The following MAGI1 variants were observed in gnomAD, a reference collection of about 807,000 sequenced individuals.
MAGI1 encodes membrane-associated guanylate kinase, WW and PDZ domain-containing protein 1.
Under a neutral mutation model 139.9 loss-of-function variants are expected in MAGI1, and 58 were observed. The observed-to-expected ratio is 0.41, with a 90% CI of 0.34 to 0.52. MAGI1 has a LOEUF of 0.52. Ranked by LOEUF, MAGI1 falls within the 20% of genes least tolerant of loss-of-function variation. MAGI1 has a pLI of 0.12. For synonymous variants in MAGI1, 812 were observed against 737.9 expected (o/e 1.10, Z -1.63); for missense variants, 1,874 against 1,901.6 (o/e 0.99, Z 0.27).
At chr3:65,586,650 A>G (rs191938529) in intron 2 of MAGI1, among the ~76,000 whole-genome samples, 392 of 152,346 alleles carry the variant, frequency 2.6e-3, no homozygotes, top group African/African-American at 8.4e-3. Context: ...TAAATACACA[A>G]AAATATACAA....
chr3:65,586,811 C>T (rs1309980423), intron 2 of MAGI1, among the ~76,000 whole-genome samples: 1 of 151,472 alleles, frequency 6.6e-6, no homozygotes, highest in Non-Finnish European at 1.5e-5. Context: ...GCAAGCAGAA[C>T]AGTTCGCTCC....
intron 2 of MAGI1, among the ~76,000 whole-genome samples, chr3:65,554,269 A>C (rs756895915): frequency 3.9e-5 from 6 of 152,196 alleles, no homozygotes; most frequent in Non-Finnish European, 7.3e-5. Flanking sequence ...ATTAGCAAAT[A>C]TAACAGTAAT....
chr3:65,837,457 C>T (rs967109295), intron 1 of MAGI1, among the ~76,000 whole-genome samples: 5 of 152,196 alleles, frequency 3.3e-5, no homozygotes, highest in Non-Finnish European at 5.9e-5. Context: ...ACTGCCCACA[C>T]ACCTGGAAAG....
chr3:65,707,738 A>G (rs2030613538), intron 1 of MAGI1, among the ~76,000 whole-genome samples: 1 of 151,842 alleles, frequency 6.6e-6, no homozygotes. Context: ...TGGAGAAAAG[A>G]TAATTATTAA....
At chr3:65,819,732 C>G (rs2041827798) in intron 1 of MAGI1, among the ~76,000 whole-genome samples, 1 of 151,238 alleles carries the variant, frequency 6.6e-6, no homozygotes, top group South Asian at 2.1e-4. Context: ...CAAAAATTAG[C>G]TGGGCGTGGT....
chr3:65,357,882 T>C (rs943823705), intron 22 of MAGI1, among the ~76,000 whole-genome samples: 2 of 152,200 alleles, frequency 1.3e-5, no homozygotes, highest in African/African-American at 4.8e-5. Context: ...ATCTGTATTA[T>C]TCAACTACGT....
rs142788987 is a variant in MAGI1, at chr3:65,375,882, C to A, written c.3059G>T (p.Arg1020Leu). ...GTCTCCTACTTTCAGCTTGCCACAGCGGTCAGCAGGGCTCCCCTCAATAAT... is the reference window on the plus strand; with the variant it reads ...GTCTCCTACTTTCAGCTTGCCACAGAGGTCAGCAGGGCTCCCCTCAATAAT... ...GRIIEGSPADRCGKLKVGDRI... is the reference protein window; with the variant it reads ...GRIIEGSPADLCGKLKVGDRI... Residue 1020 changes from arginine (R) to leucine (L), a missense_variant, in exon 18 of 23, where the codon CGC (arginine) becomes CTC (leucine). Coordinates refer to ENST00000402939, the MANE Select transcript of MAGI1 (RefSeq NM_001033057.2). 1.2e-6 allele frequency: 2 copies of A among 1,614,102 alleles called. No individual in the cohort carries two copies. The highest frequency in any genetic ancestry group is 1.7e-6 in the Non-Finnish European group (2 of 1,180,006).
chr3:65,490,620 C>T (rs550116796), intron 3 of MAGI1, among the ~76,000 whole-genome samples: 49 of 151,926 alleles, frequency 3.2e-4, no homozygotes, highest in East Asian at 1.7e-3. Context: ...TCGATGCAGG[C>T]GGATCACGAA....
chr3:65,955,735 T>G (rs2064092726), intron 1 of MAGI1, among the ~76,000 whole-genome samples: 1 of 152,216 alleles, frequency 6.6e-6, no homozygotes, highest in Non-Finnish European at 1.5e-5. Context: ...GCTATGGTTC[T>G]GGCTGAAGTA....
rs1381725608 is a variant in MAGI1 at position 65,695,940 on chromosome 3, T to G, written c.314-73852A>C. On this transcript the variant is annotated intron_variant, in intron 1 of 22. Coordinates refer to ENST00000402939, the MANE Select transcript of MAGI1 (RefSeq NM_001033057.2). The stretch of plus-strand genomic sequence containing the variant: ...TAAGATACTTTCCTTGTTGCTACCC[T>G]CCACAAGCAGCCAGAATGACCCTCC... 2.0e-5 allele frequency among the ~76,000 whole-genome samples: 3 copies of G among 152,064 alleles called. No individual in the cohort carries two copies. The South Asian group carries it at 6.2e-4, about 32-fold the overall frequency.
At chr3:65,564,120 T>C (rs948146332) in intron 2 of MAGI1, among the ~76,000 whole-genome samples, 2 of 152,110 alleles carry the variant, frequency 1.3e-5, no homozygotes, top group African/African-American at 4.8e-5. Flanking sequence ...ATTGTTTCAC[T>C]CTTCTCAAAG....
chr3:65,672,245 C>T (rs1237721182), intron 1 of MAGI1, among the ~76,000 whole-genome samples: 1 of 152,182 alleles, frequency 6.6e-6, no homozygotes, highest in Non-Finnish European at 1.5e-5. Flanking sequence ...GCATTGTCTA[C>T]ACTTCAGACA....
chr3:65,796,749 C>T (rs1378309024), intron 1 of MAGI1, among the ~76,000 whole-genome samples: 2 of 152,232 alleles, frequency 1.3e-5, no homozygotes, highest in African/African-American at 4.8e-5. Context: ...ATAGTAAATA[C>T]TGTTGGCATT....
At chr3:65,938,977 C>T (rs761128768) in intron 1 of MAGI1, among the ~76,000 whole-genome samples, 1 of 152,126 alleles carries the variant, frequency 6.6e-6, no homozygotes, top group Non-Finnish European at 1.5e-5. Context: ...TCCTGTTTAA[C>T]TCATTAATTT....
chr3:65,686,602 T>C (rs761585394), intron 1 of MAGI1, among the ~76,000 whole-genome samples: 2 of 152,122 alleles, frequency 1.3e-5, no homozygotes, highest in Non-Finnish European at 2.9e-5. Context: ...TGTAGGGTTG[T>C]TTTCTAAATG....
chr3:65,592,001 C>T (rs1017108034), intron 2 of MAGI1, among the ~76,000 whole-genome samples: 22 of 152,156 alleles, frequency 1.4e-4, no homozygotes, highest in African/African-American at 4.1e-4. Flanking sequence ...TTCTAATATA[C>T]GAAATGATTC....
At chr3:66,021,836 C>T (rs1172336954) in intron 1 of MAGI1, among the ~76,000 whole-genome samples, 1 of 152,158 alleles carries the variant, frequency 6.6e-6, no homozygotes, top group Non-Finnish European at 1.5e-5. Flanking sequence ...GCCCCGGTGA[C>T]TATAACTTGA....
At chr3:65,597,925 T>TGGGCGGGGGG in intron 2 of MAGI1, 1 of 394,352 alleles carries the variant, frequency 2.5e-6, no homozygotes, top group Non-Finnish European at 5.0e-6. Context: ...GAGGCGGGGG[T>TGGGCGGGGGG]GGGGGGGGGG....
chr3:65,899,278 A>T (rs190926561), intron 1 of MAGI1, among the ~76,000 whole-genome samples: 1 of 152,356 alleles, frequency 6.6e-6, no homozygotes, highest in Non-Finnish European at 1.5e-5. Context: ...ATACATTCAC[A>T]GTGGAAAAAG....
Sources: allele counts gnomAD v4.1 joint callset (sites outside exome capture counted in the v4.1 genomes callset), GRCh38; gene constraint gnomAD v4.1.1; transcripts MANE v1.5; gene names NCBI Gene and HGNC (gene_info 2026-07-23, HGNC 2026-07-21).